Variants in ZNF366 observed in about 807,000 individuals in gnomAD.
ZNF366 encodes the protein dendritic cell-specific transcript protein.
Under a neutral mutation model 47.2 loss-of-function variants are expected in ZNF366, and 20 were observed. The observed-to-expected ratio is 0.42, with a 90% confidence interval of 0.30 to 0.62. The LOEUF is 0.62. Among genes scored for constraint, ZNF366 ranks in the 20% least tolerant of loss-of-function variants. The pLI, the probability that ZNF366 is intolerant of heterozygous loss-of-function variation, is 0.16. For missense variants in ZNF366, 987 were observed against 976.3 expected, an observed-to-expected ratio of 1.01 and a Z score of -0.15; for synonymous variants, 421 against 395.1, an observed-to-expected ratio of 1.07 and a Z score of -0.78.
At chr5:72,471,220 T>C (rs1743556462) in intron 1 of ZNF366, among the ~76,000 whole-genome samples, 1 of 152,214 alleles carries the variant, frequency 6.6e-6, no homozygotes, top group Non-Finnish European at 1.5e-5. Flanking sequence ...GTTCACTGTT[T>C]CTTTTTATTT....
At chr5:72,482,746 T>TTGTG (rs3041122) in intron 1 of ZNF366, among the ~76,000 whole-genome samples, 19,058 of 140,896 alleles carry the variant, frequency 0.14, 1,336 homozygotes, top group South Asian at 0.17. Flanking sequence ...CATTTCTATT[T>TTGTG]TGTGTGTGTG....
At chr5:72,468,732 T>G (rs538900946) in intron 1 of ZNF366, among the ~76,000 whole-genome samples, 3 of 152,302 alleles carry the variant, frequency 2.0e-5, no homozygotes, top group Admixed American at 2.0e-4. Context: ...TAGGCCTAGT[T>G]TTTGGAAAGC....
intron 1 of ZNF366, 134 bp from the exon 2 acceptor site, chr5:72,461,644 C>G: frequency 8.2e-7 from 1 of 1,224,388 alleles, no homozygotes; most frequent in Non-Finnish European, 1.1e-6. Context: ...CTCATTTATC[C>G]TAGGGCTGTT....
At chr5:72,485,538 C>T (rs1305218351) in intron 1 of ZNF366, among the ~76,000 whole-genome samples, 4 of 152,216 alleles carry the variant, frequency 2.6e-5, no homozygotes, top group African/African-American at 9.6e-5. Context: ...TCCACTGCCT[C>T]TATCCTGGTC....
At chr5:72,473,005 C>G (rs1268587824) in intron 1 of ZNF366, among the ~76,000 whole-genome samples, 2 of 152,190 alleles carry the variant, frequency 1.3e-5, no homozygotes, top group African/African-American at 4.8e-5. Context: ...ATCTAACCTC[C>G]CACAACACTG....
Position 72,466,517 on chromosome 5 carries a change from C to G in ZNF366, c.-14-5007G>C, listed in dbSNP as rs114443934. 6.5e-3 allele frequency among the ~76,000 whole-genome samples: 984 copies of G among 152,302 alleles called. 6 individuals are homozygous for G. The highest frequency in any genetic ancestry group is 0.048 in the Middle Eastern group (14 of 294). ...TAGAATAGTGCTGGGTCAACACTAG[C>G]AAACCAGCTCTTGCAATTCTTGCTA... On this transcript the variant is annotated intron_variant, in intron 1 of 4. Coordinates refer to ENST00000318442, the MANE Select transcript of ZNF366 (RefSeq NM_152625.3).
chr5:72,507,185 T>C (rs1744335581), intron 1 of ZNF366, 66 bp downstream of exon 1: 1 of 980,606 alleles, frequency 1.0e-6, no homozygotes, highest in African/African-American at 1.7e-5. Context: ...CTGTTGAAGA[T>C]GCCCACAGCA....
chr5:72,467,261 TG>T (rs1279570032), intron 1 of ZNF366, among the ~76,000 whole-genome samples: 1 of 152,226 alleles, frequency 6.6e-6, no homozygotes, highest in Non-Finnish European at 1.5e-5. Context: ...AGGAAAATAT[TG>T]GGTTCATCTG....
intron 1 of ZNF366, among the ~76,000 whole-genome samples, chr5:72,469,019 C>CA (rs763199253): frequency 3.3e-5 from 5 of 152,170 alleles, no homozygotes; most frequent in Non-Finnish European, 7.4e-5. Context: ...CTTAGCTACA[C>CA]AAAAAATACA....
At chr5:72,504,418 G>A (rs1400949222) in intron 1 of ZNF366, among the ~76,000 whole-genome samples, 6 of 152,240 alleles carry the variant, frequency 3.9e-5, no homozygotes, top group African/African-American at 7.2e-5. Context: ...CTCTTTGCAC[G>A]TTCATCTAAG....
intron 3 of ZNF366, 136 bp from the exon 4 acceptor site, chr5:72,447,553 G>A: frequency 4.8e-6 from 5 of 1,031,636 alleles, no homozygotes; most frequent in Non-Finnish European, 7.0e-6. Context: ...ATGTCCATAA[G>A]GAAATCAGGA....
Position 72,444,292 on chromosome 5 carries a change from CT to C in ZNF366, c.1700-2del. 1 of 1,603,876 alleles carries C rather than the reference CT, an allele frequency of 6.2e-7. No individual in the cohort carries two copies. The highest frequency in any genetic ancestry group is 8.5e-7 in the Non-Finnish European group (1 of 1,174,842). ...AGGGCGATTCTCCCCCTTCCCAGAC[CT>C]GCAAGAGCAGAGTAAGAATTCATGC... On this transcript the variant is annotated splice_acceptor_variant, in intron 4 of 4. Transcript: ENST00000318442. LOFTEE classifies it high-confidence loss of function.
intron 1 of ZNF366, among the ~76,000 whole-genome samples, chr5:72,483,574 G>A (rs1409779323): frequency 6.6e-6 from 1 of 152,144 alleles, no homozygotes; most frequent in Non-Finnish European, 1.5e-5. Context: ...TAGATTTTCA[G>A]TGTATTTTGT....
At chr5:72,454,650 A>C (rs369510643) in intron 3 of ZNF366, among the ~76,000 whole-genome samples, 2 of 152,322 alleles carry the variant, frequency 1.3e-5, no homozygotes, top group Admixed American at 6.5e-5. Flanking sequence ...CTCCACCACT[A>C]TCAGTTGATA....
intron 1 of ZNF366, among the ~76,000 whole-genome samples, chr5:72,487,755 C>A (rs770890264): frequency 1.3e-5 from 2 of 152,206 alleles, no homozygotes; most frequent in Non-Finnish European, 2.9e-5. Context: ...GTTAGTGTAT[C>A]TTTTGGCCTA....
chr5:72,499,479 CTTT>C (rs894702691), intron 1 of ZNF366, among the ~76,000 whole-genome samples: 15,983 of 110,932 alleles, frequency 0.14, 610 homozygotes, highest in East Asian at 0.32. Flanking sequence ...GGAATCCTGC[CTTT>C]TTTTTTTTTT....
intron 3 of ZNF366, among the ~76,000 whole-genome samples, chr5:72,453,267 T>C (rs2338021): frequency 0.86 from 130,507 of 152,144 alleles, 56,118 homozygotes; most frequent in East Asian, 0.96. Context: ...CTCTTCCTTG[T>C]TGTGAGTTTT....
rs114256832 is a variant in ZNF366, at chr5:72,479,908, C to G, written c.-14-18398G>C. The stretch of plus-strand genomic sequence containing the variant: ...TTAAAATTTGTAAAAACAACACATA[C>G]TAATATAACCAAGACTTCAGCCTGA... On this transcript the variant is annotated intron_variant, in intron 1 of 4. Transcript: ENST00000318442. Among the ~76,000 whole-genome samples the G allele has an allele frequency of 2.4e-3, 368 of 152,218 alleles. 3 individuals are homozygous for G. Among genetic ancestry groups the G allele is most frequent in the African/African-American group, 8.4e-3 (347 of 41,530 alleles).
At chr5:72,494,637 G>T (rs909176914) in intron 1 of ZNF366, among the ~76,000 whole-genome samples, 3 of 150,306 alleles carry the variant, frequency 2.0e-5, no homozygotes, top group African/African-American at 4.9e-5. Context: ...TGTCAGGAGG[G>T]CTACTATCCA....
Sources: gnomAD v4.1 joint callset for allele counts (sites outside exome capture counted in the v4.1 genomes callset) on GRCh38, gnomAD v4.1.1 for gene constraint, MANE v1.5 for transcripts, NCBI Gene and HGNC (gene_info 2026-07-23, HGNC 2026-07-21) for gene names.